Variants in FOXO3 observed in about 807,000 individuals in gnomAD.
FOXO3 encodes the protein forkhead box O3.
In FOXO3, 4 loss-of-function variants were observed where a neutral mutation model predicts 41.9. That is an observed-to-expected ratio of 0.10 (90% confidence interval 0.05 to 0.22). FOXO3 has a LOEUF of 0.22. Among genes scored for constraint, FOXO3 ranks in the 10% least tolerant of loss-of-function variants. FOXO3 has a pLI of 1.00. For synonymous variants in FOXO3, 318 were observed against 389.3 expected (o/e 0.82, Z 2.16); for missense variants, 534 against 906.8 (o/e 0.59, Z 5.28).
Position 108,561,652 on chromosome 6 carries a change from G to A in FOXO3, c.444G>A (p.Arg148=). The A allele has an allele frequency of 1.3e-6, 2 of 1,595,268 alleles. No homozygotes were observed. Among genetic ancestry groups the A allele is most frequent in the Non-Finnish European group, 1.7e-6 (2 of 1,171,464 alleles). ...CGGCTGGGGGCTCCGGGCAGCCGAGGAAATGTTCGTCGCGGCGGAACGCCT... is the reference window on the plus strand; with the variant it reads ...CGGCTGGGGGCTCCGGGCAGCCGAGAAAATGTTCGTCGCGGCGGAACGCCT... The part of the protein sequence containing the change: ...PGAAGGSGQP[R]KCSSRRNAWG... The change falls in exon 1 of 3, where the codon AGG becomes AGA. Residue 148 remains arginine (R), a synonymous_variant. Transcript: ENST00000406360.
intron 1 of FOXO3, among the ~76,000 whole-genome samples, chr6:108,624,533 AGTT>A (rs1254506563): frequency 6.6e-6 from 1 of 152,156 alleles, no homozygotes; most frequent in Non-Finnish European, 1.5e-5. Context: ...GATTATTTGT[AGTT>A]GTTGGGCACA....
chr6:108,598,224 A>G (rs969105979), intron 1 of FOXO3, among the ~76,000 whole-genome samples: 8 of 152,034 alleles, frequency 5.3e-5, no homozygotes, highest in Non-Finnish European at 1.2e-4. Flanking sequence ...ATCTCCCTCA[A>G]TTGGGGAGGG....
chr6:108,614,245 C>T (rs902714419), intron 1 of FOXO3, among the ~76,000 whole-genome samples: 1 of 152,116 alleles, frequency 6.6e-6, no homozygotes, highest in African/African-American at 2.4e-5. Context: ...TTTCTCACTA[C>T]ATGTTCTATC....
intron 1 of FOXO3, among the ~76,000 whole-genome samples, chr6:108,588,755 G>C (rs1372643158): frequency 6.6e-6 from 1 of 152,206 alleles, no homozygotes; most frequent in East Asian, 1.9e-4. Context: ...AGAAAATACA[G>C]CTTGACTGGG....
intron 1 of FOXO3, among the ~76,000 whole-genome samples, chr6:108,628,605 A>T (rs1365483189): frequency 6.6e-6 from 1 of 152,176 alleles, no homozygotes; most frequent in Non-Finnish European, 1.5e-5. Context: ...TGTTTGGTGG[A>T]TGCCTCTTTT....
intron 1 of FOXO3, among the ~76,000 whole-genome samples, chr6:108,626,318 C>T (rs1387622548): frequency 6.6e-6 from 1 of 152,198 alleles, no homozygotes; most frequent in Non-Finnish European, 1.5e-5. Context: ...GGTCTGATCT[C>T]AGAGGACGCA....
At chr6:108,675,932 T>A (rs1770570704) in intron 2 of FOXO3, among the ~76,000 whole-genome samples, 1 of 152,204 alleles carries the variant, frequency 6.6e-6, no homozygotes, top group South Asian at 2.1e-4. Context: ...TAAAGTTGAT[T>A]GGGGTTGTTA....
intron 1 of FOXO3, among the ~76,000 whole-genome samples, chr6:108,568,354 C>T (rs1776002813): frequency 6.6e-6 from 1 of 151,946 alleles, no homozygotes; most frequent in African/African-American, 2.4e-5. Context: ...TCTTCTGCTT[C>T]TCCTCCCCTC....
At chr6:108,619,600 C>T (rs149336347) in intron 1 of FOXO3, among the ~76,000 whole-genome samples, 2 of 152,342 alleles carry the variant, frequency 1.3e-5, no homozygotes, top group East Asian at 3.9e-4. Context: ...CTCATTTCCT[C>T]ACTGGCCATC....
chr6:108,622,256 CAAAAAAAA>C (rs984779744), intron 1 of FOXO3, among the ~76,000 whole-genome samples: 2 of 48,458 alleles, frequency 4.1e-5, no homozygotes, highest in Admixed American at 2.4e-4. Context: ...AAGACTGTCT[CAAAAAAAA>C]AAAAAAAAAA....
At chr6:108,585,996 G>A (rs923047342) in intron 1 of FOXO3, among the ~76,000 whole-genome samples, 3 of 152,124 alleles carry the variant, frequency 2.0e-5, no homozygotes, top group African/African-American at 4.8e-5. Context: ...TTTCTCAGCC[G>A]GCTTCCTACT....
intron 1 of FOXO3, among the ~76,000 whole-genome samples, chr6:108,660,930 G>A (rs182241239): frequency 2.2e-4 from 33 of 152,152 alleles, no homozygotes; most frequent in Admixed American, 7.2e-4. Context: ...CATGGTGGCG[G>A]GTGCCTGTAG....
chr6:108,576,190 C>G (rs1233378789), intron 1 of FOXO3, among the ~76,000 whole-genome samples: 1 of 152,200 alleles, frequency 6.6e-6, no homozygotes, highest in Non-Finnish European at 1.5e-5. Context: ...GACACATGTC[C>G]TCTGCTGAAC....
At position 108,618,693 on chromosome 6, in the gene FOXO3, G is replaced by A. The variant is rs569667042; in HGVS notation, c.622-44762G>A. On this transcript the variant is annotated intron_variant, in intron 1 of 2. Coordinates refer to ENST00000406360, the MANE Select transcript of FOXO3 (RefSeq NM_001455.4). ...AAACATGAACTATTGCTAGCTTTAT[G>A]TGAACTGTAGGACTTCTTAGGCCAA... Among the ~76,000 whole-genome samples, 6 of 152,338 alleles carry A rather than the reference G, an allele frequency of 3.9e-5. No individual in the cohort carries two copies. In the South Asian group the frequency reaches 1.2e-3, roughly 32 times the overall value.
chr6:108,610,833 T>C (rs1372384775), intron 1 of FOXO3, among the ~76,000 whole-genome samples: 1 of 152,248 alleles, frequency 6.6e-6, no homozygotes, highest in African/African-American at 2.4e-5. Flanking sequence ...TGATTTATTT[T>C]GAAAATTACC....
At chr6:108,603,012 T>A (rs1042122801) in intron 1 of FOXO3, among the ~76,000 whole-genome samples, 10 of 152,194 alleles carry the variant, frequency 6.6e-5, no homozygotes, top group Admixed American at 6.5e-4. Context: ...ATAAAAATCT[T>A]TGGATTGAAA....
chr6:108,637,722 C>CT (rs997687904), intron 1 of FOXO3, among the ~76,000 whole-genome samples: 2 of 152,014 alleles, frequency 1.3e-5, no homozygotes, highest in African/African-American at 4.8e-5. Context: ...CTGGCTTTGC[C>CT]TCTTCCCCCT....
At chr6:108,634,406 A>AC (rs1454889004) in intron 1 of FOXO3, among the ~76,000 whole-genome samples, 1 of 151,652 alleles carries the variant, frequency 6.6e-6, no homozygotes, top group African/African-American at 2.4e-5. Context: ...AGGGATGATG[A>AC]CCCCCTTCCC....
At chr6:108,612,745 C>A (rs1777399361) in intron 1 of FOXO3, among the ~76,000 whole-genome samples, 1 of 151,468 alleles carries the variant, frequency 6.6e-6, no homozygotes, top group Non-Finnish European at 1.5e-5. Flanking sequence ...CACTTTATTT[C>A]TTTTTCTTGC....
Sources: gnomAD v4.1 joint callset for allele counts (sites outside exome capture counted in the v4.1 genomes callset) on GRCh38, gnomAD v4.1.1 for gene constraint, MANE v1.5 for transcripts, NCBI Gene and HGNC (gene_info 2026-07-23, HGNC 2026-07-21) for gene names.